The following INO80C variants were observed in gnomAD, a reference collection of about 807,000 sequenced individuals.
The protein encoded by INO80C is IES6 homolog.
INO80C carries 17 observed loss-of-function variants against 17.7 expected under a neutral mutation model. That is an observed-to-expected ratio of 0.96 (90% confidence interval 0.66 to 1.44). The LOEUF is 1.44. INO80C is among the 40% of genes most tolerant of loss of function. The pLI is 0.00. For missense variants in INO80C, 244 were observed against 245.0 expected (o/e 1.00, Z 0.03); for synonymous variants, 96 against 95.8 (o/e 1.00, Z -0.01).
At chr18:35,470,208 C>T (rs1410432813) in intron 4 of INO80C, among the ~76,000 whole-genome samples, 1 of 152,182 alleles carries the variant, frequency 6.6e-6, no homozygotes, top group Non-Finnish European at 1.5e-5. Context: ...AAAAAAGCAA[C>T]AAGCTGTCGG....
chr18:35,488,023 C>A (rs189611845), intron 1 of INO80C, among the ~76,000 whole-genome samples: 2 of 152,358 alleles, frequency 1.3e-5, no homozygotes, highest in African/African-American at 4.8e-5. Flanking sequence ...ACATCCAAGT[C>A]ACACTGATGC....
intron 1 of INO80C, among the ~76,000 whole-genome samples, chr18:35,484,245 A>C (rs2045846890): frequency 6.6e-6 from 1 of 152,244 alleles, no homozygotes; most frequent in Non-Finnish European, 1.5e-5. Context: ...GGCCAGAATG[A>C]GTGCTGTGGA....
chr18:35,476,333 T>C (rs2045735643), intron 4 of INO80C, among the ~76,000 whole-genome samples: 2 of 152,156 alleles, frequency 1.3e-5, no homozygotes, highest in African/African-American at 4.8e-5. Context: ...TGACTAAATT[T>C]GATATAGTTT....
intron 3 of INO80C, 133 bp downstream of exon 3, chr18:35,479,167 G>A: frequency 1.6e-6 from 1 of 622,464 alleles, no homozygotes; most frequent in South Asian, 1.9e-5. Context: ...TGCCCAGACT[G>A]ATGCCACTAT....
At chr18:35,483,880 T>G (rs1420079099) in intron 1 of INO80C, among the ~76,000 whole-genome samples, 2 of 152,328 alleles carry the variant, frequency 1.3e-5, no homozygotes, top group East Asian at 3.8e-4. Flanking sequence ...TAGCTTTTTG[T>G]AGAGTTTTGA....
chr18:35,475,966 A>G (rs1424214912), intron 4 of INO80C, among the ~76,000 whole-genome samples: 1 of 152,216 alleles, frequency 6.6e-6, no homozygotes, highest in Non-Finnish European at 1.5e-5. Flanking sequence ...GTAAAAGTAA[A>G]CTATATGACA....
chr18:35,493,269 C>A (rs904280755), intron 1 of INO80C, among the ~76,000 whole-genome samples: 2 of 152,176 alleles, frequency 1.3e-5, no homozygotes, highest in Non-Finnish European at 2.9e-5. Context: ...TATCCTTATT[C>A]CTTTCACTTT....
chr18:35,494,313 G>A (rs969753590), intron 1 of INO80C, among the ~76,000 whole-genome samples: 1 of 152,130 alleles, frequency 6.6e-6, no homozygotes, highest in African/African-American at 2.4e-5. Context: ...TATTCAAGCA[G>A]ACACTAATCT....
chr18:35,486,892 G>T (rs1430909098), intron 1 of INO80C, among the ~76,000 whole-genome samples: 2 of 150,934 alleles, frequency 1.3e-5, no homozygotes. Context: ...AAATCTAAAA[G>T]GAATGAAGAT....
intron 1 of INO80C, among the ~76,000 whole-genome samples, chr18:35,491,209 G>A (rs1160426299): frequency 6.6e-6 from 1 of 152,216 alleles, no homozygotes. Context: ...GGAGACAGGG[G>A]AGAAAAATGC....
At chr18:35,486,813 T>G (rs11561592) in intron 1 of INO80C, among the ~76,000 whole-genome samples, 2 of 145,860 alleles carry the variant, frequency 1.4e-5, no homozygotes, top group Non-Finnish European at 3.0e-5. Flanking sequence ...AAAAAAAAAT[T>G]TTAATAGGAA....
At chr18:35,472,993 T>C (rs192352089) in intron 4 of INO80C, among the ~76,000 whole-genome samples, 2 of 152,328 alleles carry the variant, frequency 1.3e-5, no homozygotes, top group South Asian at 2.1e-4. Context: ...TTTTAGGTAA[T>C]GTGTAATGTG....
chr18:35,469,579 C>T (rs546010848), intron 4 of INO80C, among the ~76,000 whole-genome samples: 1 of 152,296 alleles, frequency 6.6e-6, no homozygotes, highest in Admixed American at 6.5e-5. Flanking sequence ...GGACTCGGCC[C>T]CAAAGCTACA....
intron 1 of INO80C, among the ~76,000 whole-genome samples, chr18:35,493,375 C>A (rs916823007): frequency 2.6e-5 from 4 of 152,132 alleles, no homozygotes; most frequent in African/African-American, 9.7e-5. Context: ...TATTAATCAA[C>A]AACTGTTATA....
chr18:35,488,662 T>G (rs1239176151), intron 1 of INO80C, among the ~76,000 whole-genome samples: 1 of 152,216 alleles, frequency 6.6e-6, no homozygotes, highest in Non-Finnish European at 1.5e-5. Context: ...TAGAGACATT[T>G]TCCCCATTGT....
chr18:35,478,424 A>G, intron 3 of INO80C, 75 bp from the exon 4 acceptor site: 2 of 1,139,048 alleles, frequency 1.8e-6, no homozygotes, highest in South Asian at 3.0e-5. Flanking sequence ...TTTTTCTAAA[A>G]TAGTATTTGA....
At chr18:35,481,011 A>G (rs974403651) in intron 1 of INO80C, among the ~76,000 whole-genome samples, 9 of 152,172 alleles carry the variant, frequency 5.9e-5, no homozygotes, top group Non-Finnish European at 1.3e-4. Flanking sequence ...ATGACACCAC[A>G]CAGTTCTGAC....
At chr18:35,482,492 A>G (rs2045822730) in intron 1 of INO80C, among the ~76,000 whole-genome samples, 1 of 152,134 alleles carries the variant, frequency 6.6e-6, no homozygotes, top group Non-Finnish European at 1.5e-5. Context: ...CTCTCCTCAA[A>G]CACCTTCTCT....
chr18:35,469,436 T>C (rs574445414), intron 4 of INO80C, among the ~76,000 whole-genome samples: 4 of 152,296 alleles, frequency 2.6e-5, no homozygotes, highest in Admixed American at 2.6e-4. Context: ...CTCAGCCACA[T>C]GTCCCCACTC....
Sources: gnomAD v4.1 joint callset for allele counts (sites outside exome capture counted in the v4.1 genomes callset) on GRCh38, gnomAD v4.1.1 for gene constraint, MANE v1.5 for transcripts, NCBI Gene and HGNC (gene_info 2026-07-23, HGNC 2026-07-21) for gene names.